Variants in CERS6 observed in about 807,000 individuals in gnomAD.
CERS6 encodes LAG1 homolog, ceramide synthase 6.
In CERS6, 26 loss-of-function variants were observed where a neutral mutation model predicts 56.8. That is an observed-to-expected ratio of 0.46 (90% CI 0.34 to 0.63). The LOEUF (loss-of-function observed/expected upper bound fraction) is 0.63. Among genes scored for constraint, CERS6 ranks in the 30% least tolerant of loss-of-function variants. The probability of loss-of-function intolerance (pLI) is 0.01; values close to 1 mark genes in which losing one functional copy is unlikely to be tolerated. For synonymous variants in CERS6, 164 were observed against 173.3 expected (o/e 0.95, Z 0.42); for missense variants, 415 against 467.5 (o/e 0.89, Z 1.04).
At chr2:168,507,753 T>A (rs555605461) in intron 1 of CERS6, among the ~76,000 whole-genome samples, 30 of 152,322 alleles carry the variant, frequency 2.0e-4, no homozygotes, top group African/African-American at 7.2e-4. Context: ...GATAGCAAAA[T>A]GATGCTTTCT....
At chr2:168,730,195 G>T (rs1196784009) in intron 8 of CERS6, among the ~76,000 whole-genome samples, 1 of 152,216 alleles carries the variant, frequency 6.6e-6, no homozygotes, top group Non-Finnish European at 1.5e-5. Flanking sequence ...AAACAGATCA[G>T]ATGGAAACAG....
chr2:168,578,471 C>T (rs931041364), intron 3 of CERS6, among the ~76,000 whole-genome samples: 5 of 152,146 alleles, frequency 3.3e-5, no homozygotes, highest in Non-Finnish European at 4.4e-5. Context: ...ACTGAAGATG[C>T]TTAAGCTGCC....
intron 8 of CERS6, among the ~76,000 whole-genome samples, chr2:168,757,966 C>T (rs1212243754): frequency 1.3e-5 from 2 of 152,160 alleles, no homozygotes; most frequent in Admixed American, 6.5e-5. Context: ...TTATTTAAGC[C>T]TGGAGCTTTT....
At chr2:168,670,969 C>CCCA (rs1553506501) in intron 4 of CERS6, among the ~76,000 whole-genome samples, 1 of 36,790 alleles carries the variant, frequency 2.7e-5, no homozygotes, top group African/African-American at 5.4e-5. Context: ...ACATGCTTCC[C>CCCA]CCCCCCCCCC....
At chr2:168,673,906 T>C (rs1685986492) in intron 4 of CERS6, among the ~76,000 whole-genome samples, 1 of 152,230 alleles carries the variant, frequency 6.6e-6, no homozygotes, top group African/African-American at 2.4e-5. Flanking sequence ...TCTTTTAATA[T>C]ATTCACTTAT....
intron 4 of CERS6, among the ~76,000 whole-genome samples, chr2:168,660,168 A>G (rs1456486681): frequency 6.6e-6 from 1 of 152,212 alleles, no homozygotes; most frequent in African/African-American, 2.4e-5. Flanking sequence ...AGCGGCCTGT[A>G]TGTAGGGGCT....
chr2:168,552,574 G>T (rs1044728531), intron 2 of CERS6, among the ~76,000 whole-genome samples: 1 of 152,132 alleles, frequency 6.6e-6, no homozygotes, highest in Non-Finnish European at 1.5e-5. Flanking sequence ...GGGGGTGGGT[G>T]TCAGGAAAGC....
chr2:168,499,769 A>AG (rs1420690739), intron 1 of CERS6, among the ~76,000 whole-genome samples: 5 of 152,150 alleles, frequency 3.3e-5, no homozygotes, highest in Non-Finnish European at 5.9e-5. Flanking sequence ...AGTTTTTCCT[A>AG]GGGTGGCCAA....
In CERS6 at chr2:168,665,869, C is replaced by T. The variant is rs150864134; in HGVS notation, c.466-25165C>T. The stretch of plus-strand genomic sequence containing the variant: ...TGAATTATTATGGCATATTATCTTC[C>T]AAGCTGCTCACATTTTCTGTTGGCA... On this transcript the variant is annotated intron_variant, in intron 4 of 9. Transcript: ENST00000305747. Among the ~76,000 whole-genome samples, 964 of 152,042 alleles carry T rather than the reference C, an allele frequency of 6.3e-3. 1 individual carries two copies. The highest frequency in any genetic ancestry group is 0.011 in the Non-Finnish European group (728 of 68,008).
chr2:168,671,558 A>G (rs560209315), intron 4 of CERS6, among the ~76,000 whole-genome samples: 2 of 152,284 alleles, frequency 1.3e-5, no homozygotes, highest in African/African-American at 4.8e-5. Context: ...ATTACAGTGA[A>G]TCGTGAGTCT....
chr2:168,592,818 A>G (rs1031819731), intron 3 of CERS6, among the ~76,000 whole-genome samples: 1 of 152,170 alleles, frequency 6.6e-6, no homozygotes, highest in African/African-American at 2.4e-5. Context: ...GGGTGTTATT[A>G]TGTATATTAG....
At chr2:168,538,899 A>G (rs576438271) in intron 1 of CERS6, among the ~76,000 whole-genome samples, 1 of 152,362 alleles carries the variant, frequency 6.6e-6, no homozygotes, top group South Asian at 2.1e-4. Flanking sequence ...TGACCGTATC[A>G]CAAGTATTTT....
rs564041245 is a variant in CERS6, at chr2:168,534,554, A to G, written c.171-13042A>G. ...TCATCTGGCTCGCTCCCGCGTCGGG[A>G]GATGTCACTCAAGGAGGCTGGAGAA... is the stretch of plus-strand genomic sequence containing the variant. On this transcript the variant is annotated intron_variant, in intron 1 of 9. Coordinates refer to ENST00000305747, the MANE Select transcript of CERS6 (RefSeq NM_203463.3). Among the ~76,000 whole-genome samples, 6 of 151,816 alleles carry G rather than the reference A, an allele frequency of 4.0e-5. No homozygotes were observed. In the East Asian group the frequency reaches 1.2e-3, roughly 30 times the overall value.
Position 168,600,291 on chromosome 2 carries a change from G to A in CERS6, c.408-30694G>A, listed in dbSNP as rs1341001008. Among the ~76,000 whole-genome samples the A allele has an allele frequency of 2.7e-5, 4 of 149,452 alleles. No individual in the cohort carries two copies. The South Asian group carries it at 6.4e-4, about 24-fold the overall frequency. On this transcript the variant is annotated intron_variant, in intron 3 of 9. Transcript: ENST00000305747. ...GTGATCTTGGCTCACTGCAAGCTCC[G>A]CCTCCCAGGTTCATGCCATTCTCCA...
intron 6 of CERS6, among the ~76,000 whole-genome samples, chr2:168,714,157 A>G (rs939770074): frequency 6.6e-6 from 1 of 152,150 alleles, no homozygotes; most frequent in Non-Finnish European, 1.5e-5. Flanking sequence ...GGTCCCTTTT[A>G]CAAGGGCACT....
intron 1 of CERS6, among the ~76,000 whole-genome samples, chr2:168,498,787 G>A (rs930675038): frequency 1.8e-4 from 28 of 152,188 alleles, no homozygotes; most frequent in African/African-American, 6.3e-4. Context: ...GATGGGCAGC[G>A]TCAGGTGGTT....
chr2:168,721,659 G>T (rs1275435024), intron 8 of CERS6, among the ~76,000 whole-genome samples: 1 of 150,484 alleles, frequency 6.6e-6, no homozygotes, highest in East Asian at 2.0e-4. Context: ...TGCTCTGTTG[G>T]CCAGGCTGGG....
At chr2:168,712,695 G>GCTTCTA (rs1439093013) in intron 6 of CERS6, among the ~76,000 whole-genome samples, 1 of 152,068 alleles carries the variant, frequency 6.6e-6, no homozygotes, top group African/African-American at 2.4e-5. Context: ...TGCTGCTCTG[G>GCTTCTA]CTTCTACACG....
chr2:168,703,598 G>T (rs910448631), intron 6 of CERS6, among the ~76,000 whole-genome samples: 1 of 152,074 alleles, frequency 6.6e-6, no homozygotes, highest in Non-Finnish European at 1.5e-5. Flanking sequence ...CCCAGGTAGT[G>T]CCTCACATTG....
Sources: allele counts gnomAD v4.1 joint callset (sites outside exome capture counted in the v4.1 genomes callset), GRCh38; gene constraint gnomAD v4.1.1; transcripts MANE v1.5; gene names NCBI Gene and HGNC (gene_info 2026-07-23, HGNC 2026-07-21).